The following PAQR5 variants were observed in gnomAD, a reference collection of about 807,000 sequenced individuals.
The protein encoded by PAQR5 is membrane progestin receptor gamma.
PAQR5 carries 20 observed loss-of-function variants against 34.5 expected under a neutral mutation model. The ratio of observed to expected loss-of-function variants is 0.58; its 90% CI spans 0.41 to 0.84. The LOEUF is 0.84. Ranked by LOEUF, PAQR5 falls within the 40% of genes least tolerant of loss-of-function variation. The pLI is 0.00. For missense variants in PAQR5, 378 were observed against 412.7 expected, an observed-to-expected ratio of 0.92 and a Z score of 0.73; for synonymous variants, 131 against 155.6, an observed-to-expected ratio of 0.84 and a Z score of 1.18.
chr15:69,303,909 A>G (rs1193145512), intron 1 of PAQR5, among the ~76,000 whole-genome samples: 1 of 152,178 alleles, frequency 6.6e-6, no homozygotes, highest in African/African-American at 2.4e-5. Flanking sequence ...TGTTGACCCC[A>G]AACATCTTTT....
chr15:69,326,496 C>A (rs1229959274), intron 1 of PAQR5, among the ~76,000 whole-genome samples: 1 of 149,142 alleles, frequency 6.7e-6, no homozygotes, highest in Non-Finnish European at 1.5e-5. Flanking sequence ...AGTGCAATGG[C>A]ATAATCTTGG....
rs1023708229 is a variant in PAQR5, at chr15:69,397,542, A to C, written c.587A>C (p.Asp196Ala). The C allele has an allele frequency of 1.9e-6, 3 of 1,610,072 alleles. No homozygotes were observed. Among genetic ancestry groups the C allele is most frequent in the African/African-American group, 2.7e-5 (2 of 74,522 alleles). ...VLAFAYPYTW[D>A]SLPIFYRLFL... ...GCCTTTGCTTATCCGTACACCTGGG[A>C]CTCCCTCCCCATCTTCTACAGGGTA... The change falls in exon 7 of 9, where the codon GAC (aspartate) becomes GCC (alanine). Residue 196 changes from aspartate (D) to alanine (A), a missense_variant. Asp to Ala is a moderately radical substitution (Grantham distance 126). Coordinates refer to ENST00000395407, the MANE Select transcript of PAQR5 (RefSeq NM_017705.4).
At chr15:69,308,534 G>T (rs1383209738) in intron 1 of PAQR5, among the ~76,000 whole-genome samples, 1 of 152,028 alleles carries the variant, frequency 6.6e-6, no homozygotes, top group Non-Finnish European at 1.5e-5. Flanking sequence ...TGCAACAGAT[G>T]CCAGTAGCCA....
At chr15:69,313,704 C>T (rs896775551) in intron 1 of PAQR5, among the ~76,000 whole-genome samples, 1 of 152,040 alleles carries the variant, frequency 6.6e-6, no homozygotes, top group Non-Finnish European at 1.5e-5. Context: ...CAGGTGTTCC[C>T]GAGAGGAGGT....
intron 2 of PAQR5, among the ~76,000 whole-genome samples, chr15:69,355,165 ATC>A (rs111764681): frequency 8.0e-4 from 116 of 144,218 alleles, no homozygotes; most frequent in Non-Finnish European, 8.9e-4. Context: ...CCTGTCACCC[ATC>A]TCTCTCTCTC....
rs921573133 is a variant in PAQR5 at position 69,405,881 on chromosome 15, C to T, written c.*2059C>T. ...TTTTATAAGTTTGGTAAACTTTAGT[C>T]CCATTATATACTTTTGGGGACAGTG... On this transcript the variant is annotated 3_prime_UTR_variant, in exon 9 of 9. Transcript: ENST00000395407. 1.6e-4 allele frequency: 24 copies of T among 152,100 alleles called. 1 individual carries two copies. The highest frequency in any genetic ancestry group is 9.8e-4 in the Admixed American group (15 of 15,270). The allele number at this position is 152,100 out of a possible 1,614,324, so 9.4% of individuals were successfully genotyped here. A position where few individuals can be genotyped will look rare whatever the true frequency, so the allele number is the denominator to read the frequency against.
At chr15:69,351,600 G>A (rs972986538) in intron 2 of PAQR5, among the ~76,000 whole-genome samples, 1 of 152,196 alleles carries the variant, frequency 6.6e-6, no homozygotes, top group Non-Finnish European at 1.5e-5. Flanking sequence ...CCTTTGTCGC[G>A]ATTTAGTTTG....
At chr15:69,303,241 A>G (rs2053643573) in intron 1 of PAQR5, among the ~76,000 whole-genome samples, 1 of 152,142 alleles carries the variant, frequency 6.6e-6, no homozygotes, top group East Asian at 1.9e-4. Flanking sequence ...AATTAGACTC[A>G]AGTTAATTCA....
rs1415896004 is a variant in PAQR5 at position 69,399,867 on chromosome 15, G to A, written c.610-107G>A. On this transcript the variant is annotated intron_variant, in intron 7 of 8. Transcript: ENST00000395407. ...GGAGTTTGTGTATGTGTGCTAACAT[G>A]TGTGGGTGTCAGAGCCCCCAAAGTC... 1.4e-5 allele frequency: 16 copies of A among 1,117,704 alleles called. No individual in the cohort carries two copies. In the Admixed American group the frequency reaches 3.5e-4, roughly 24 times the overall value. 69.2% of individuals were successfully genotyped at this position (1,117,704 alleles called of 1,614,324 possible).
chr15:69,368,409 C>T (rs917563909), intron 3 of PAQR5, among the ~76,000 whole-genome samples: 1 of 152,198 alleles, frequency 6.6e-6, no homozygotes, highest in Non-Finnish European at 1.5e-5. Context: ...ATGGCCCCAA[C>T]CTAACTTTGA....
At chr15:69,348,746 G>GA (rs2054836947) in intron 2 of PAQR5, among the ~76,000 whole-genome samples, 1 of 144,834 alleles carries the variant, frequency 6.9e-6, no homozygotes, top group Non-Finnish European at 1.5e-5. Context: ...GAGACGGTAG[G>GA]TTTTTCCGAT....
chr15:69,345,817 C>T (rs1377263345), intron 2 of PAQR5, among the ~76,000 whole-genome samples: 1 of 152,134 alleles, frequency 6.6e-6, no homozygotes, highest in Non-Finnish European at 1.5e-5. Flanking sequence ...CCTGTAGTCC[C>T]AGGTACTTGG....
chr15:69,393,529 G>A lies in PAQR5; in HGVS notation c.512+3749G>A, dbSNP rs112862712. Among the ~76,000 whole-genome samples, 599 of 147,840 alleles carry A rather than the reference G, an allele frequency of 4.1e-3. 2 individuals are homozygous for A. The highest frequency in any genetic ancestry group is 0.014 in the African/African-American group (570 of 40,438). The stretch of plus-strand genomic sequence containing the variant: ...ACCCTCTGGGTCCTCTCTGGTTTGG[G>A]CATCGTGCAATGTCGATGCCTTAGT... On this transcript the variant is annotated intron_variant, in intron 6 of 8. Coordinates refer to ENST00000395407, the MANE Select transcript of PAQR5 (RefSeq NM_017705.4).
At chr15:69,301,815 G>T (rs529902648) in intron 1 of PAQR5, among the ~76,000 whole-genome samples, 1 of 143,748 alleles carries the variant, frequency 7.0e-6, no homozygotes, top group African/African-American at 2.6e-5. Context: ...AAAATGATCC[G>T]TACAGGAAGA....
At chr15:69,310,085 A>G (rs1046889661) in intron 1 of PAQR5, among the ~76,000 whole-genome samples, 2 of 151,962 alleles carry the variant, frequency 1.3e-5, no homozygotes, top group African/African-American at 2.4e-5. Context: ...AACAACAACA[A>G]CAACAAAAGA....
intron 1 of PAQR5, among the ~76,000 whole-genome samples, chr15:69,299,979 A>T (rs2053494168): frequency 6.6e-6 from 1 of 152,182 alleles, no homozygotes; most frequent in Non-Finnish European, 1.5e-5. Context: ...GGCAGATGAG[A>T]AGACAAGGAG....
In PAQR5 at chr15:69,384,383, T is replaced by C. The variant is rs370608543; in HGVS notation, c.180-294T>C. ...GTGTTCATGGTGGAGGGTGAGCGGGTCCTCCGTGTTCATGGTGGAGGGTGA... is the reference window on the plus strand; with the variant it reads ...GTGTTCATGGTGGAGGGTGAGCGGGCCCTCCGTGTTCATGGTGGAGGGTGA... On this transcript the variant is annotated intron_variant, in intron 4 of 8. Coordinates refer to ENST00000395407, the MANE Select transcript of PAQR5 (RefSeq NM_017705.4). 7.0e-4 allele frequency among the ~76,000 whole-genome samples: 56 copies of C among 80,406 alleles called. 1 individual carries two copies. Among genetic ancestry groups the C allele is most frequent in the African/African-American group, 2.1e-3 (38 of 18,406 alleles). The allele number at this position is 80,406 out of a possible 152,430, so 52.7% of individuals were successfully genotyped here. A position where few individuals can be genotyped will look rare whatever the true frequency, so the allele number is the denominator to read the frequency against.
intron 1 of PAQR5, among the ~76,000 whole-genome samples, chr15:69,310,126 C>T (rs1207006439): frequency 1.3e-5 from 2 of 152,124 alleles, no homozygotes; most frequent in African/African-American, 4.8e-5. Context: ...ATGGATGTCA[C>T]ATAACTTATT....
At chr15:69,381,543 T>C (rs1040128642) in intron 4 of PAQR5, among the ~76,000 whole-genome samples, 3 of 152,158 alleles carry the variant, frequency 2.0e-5, no homozygotes, top group African/African-American at 7.2e-5. Context: ...CATGCATGGA[T>C]CCCTGTAGGG....
Sources: gnomAD v4.1 joint callset for allele counts (sites outside exome capture counted in the v4.1 genomes callset) on GRCh38, gnomAD v4.1.1 for gene constraint, MANE v1.5 for transcripts, NCBI Gene and HGNC (gene_info 2026-07-23, HGNC 2026-07-21) for gene names.